C4orf50: variants seen among roughly 807,000 people sequenced by gnomAD.
C4orf50 encodes uncharacterized protein C4orf50.
Under a neutral mutation model 77.2 loss-of-function variants are expected in C4orf50, and 80 were observed. The ratio of observed to expected loss-of-function variants is 1.04; its 90% CI spans 0.87 to 1.25. The LOEUF is 1.25. Ranked by LOEUF, C4orf50 falls within the 50% of genes most tolerant of loss-of-function variation. The pLI is 0.00. For missense variants in C4orf50, 1,257 were observed against 1,152.9 expected, an observed-to-expected ratio of 1.09 and a Z score of -1.31; for synonymous variants, 532 against 465.3, an observed-to-expected ratio of 1.14 and a Z score of -1.84.
At position 5,975,843 on chromosome 4, in the gene C4orf50, T is replaced by G. The variant is rs1321602627; in HGVS notation, c.3921+56A>C. ...ATTACATGTCTAACAGGAAAACTAC[T>G]AAACTCTCTTTTGTTTTGAAAGAGG... On this transcript the variant is annotated intron_variant, in intron 30 of 33. Coordinates refer to ENST00000531445, the Ensembl canonical transcript of C4orf50. 1.7e-5 allele frequency: 23 copies of G among 1,357,986 alleles called. 1 individual carries two copies. The South Asian group carries it at 2.4e-4, about 14-fold the overall frequency. The allele number at this position is 1,357,986 out of a possible 1,614,324, so 84.1% of individuals were successfully genotyped here.
chr4:5,984,687 A>C (rs1720768184), intron 28 of C4orf50, among the ~76,000 whole-genome samples: 1 of 152,192 alleles, frequency 6.6e-6, no homozygotes, highest in African/African-American at 2.4e-5. Context: ...ACATTTTTTA[A>C]AACTGATACA....
intron 7 of C4orf50, among the ~76,000 whole-genome samples, chr4:5,948,960 C>CA (rs765201490): frequency 0.062 from 5,357 of 86,994 alleles, 379 homozygotes; most frequent in African/African-American, 0.13. Context: ...GACTCCATCT[C>CA]AAAAAAAAAA....
At position 5,996,562 on chromosome 4, in the gene C4orf50, C is replaced by T. The variant is rs76779232; in HGVS notation, c.964-2086G>A. On this transcript the variant is annotated intron_variant, in intron 25 of 33. Transcript: ENST00000531445. ...CCACCCTCTGCCTGGTCAACCTCCT[C>T]CCCTTCTGGGACCTGCTTAAAGGCC... Among the ~76,000 whole-genome samples the T allele has an allele frequency of 7.9e-3, 1,207 of 152,252 alleles. 12 individuals are homozygous for T. Among genetic ancestry groups the T allele is most frequent in the African/African-American group, 0.027 (1,141 of 41,550 alleles).
At chr4:5,969,905 C>T (rs1310065104) in intron 31 of C4orf50, among the ~76,000 whole-genome samples, 1 of 152,074 alleles carries the variant, frequency 6.6e-6, no homozygotes, top group Admixed American at 6.5e-5. Context: ...ACGGGACCTT[C>T]CATCTGTGGA....
Position 6,017,662 on chromosome 4 carries a change from G to T in C4orf50, c.287+483C>A, listed in dbSNP as rs1284170843. On this transcript the variant is annotated intron_variant, in intron 23 of 33. Coordinates refer to ENST00000531445, the Ensembl canonical transcript of C4orf50. The surrounding 1 kb of genome is among the most constrained non-coding windows in gnomAD (Gnocchi z 4.7). ...GCCCTGGGTTGGGGATGGAAGGTTT[G>T]CTGTGTGGACATCTACTTGTCTGGC... Among the ~76,000 whole-genome samples, 3 of 152,124 alleles carry T rather than the reference G, an allele frequency of 2.0e-5. No homozygotes were observed. Among genetic ancestry groups the T allele is most frequent in the Non-Finnish European group, 4.4e-5 (3 of 68,024 alleles).
intron 33 of C4orf50, among the ~76,000 whole-genome samples, chr4:5,963,000 C>CTTTT (rs370272649): frequency 4.8e-5 from 7 of 146,084 alleles, no homozygotes; most frequent in East Asian, 2.2e-4. Context: ...TTTTTCTTTT[C>CTTTT]TTTTTTTTTT....
intron 7 of C4orf50, among the ~76,000 whole-genome samples, chr4:5,930,847 G>A (rs1717737044): frequency 6.6e-6 from 1 of 152,232 alleles, no homozygotes; most frequent in Non-Finnish European, 1.5e-5. Context: ...GCCCAGCATG[G>A]GCCTGGCAGG....
At chr4:5,994,002 C>G (rs1480557682) in intron 26 of C4orf50, among the ~76,000 whole-genome samples, 2 of 152,132 alleles carry the variant, frequency 1.3e-5, no homozygotes, top group African/African-American at 4.8e-5. Context: ...CAGGACGGCT[C>G]CTGGCCATCA....
chr4:5,940,015 C>T (rs573399741), intron 7 of C4orf50, among the ~76,000 whole-genome samples: 99 of 152,310 alleles, frequency 6.5e-4, no homozygotes, highest in African/African-American at 2.3e-3. Flanking sequence ...GAACGTGGGT[C>T]CCATGGAAAA....
chr4:5,999,986 A>G (rs1225903658), intron 25 of C4orf50, among the ~76,000 whole-genome samples: 1 of 152,056 alleles, frequency 6.6e-6, no homozygotes, highest in East Asian at 1.9e-4. Flanking sequence ...AGCTTGAAGG[A>G]GCAGAACACC....
downstream of C4orf50, chr4:5,956,606 C>T (rs927888961): frequency 4.6e-5 from 7 of 151,832 alleles, no homozygotes; most frequent in Admixed American, 4.6e-4. Flanking sequence ...ACTAAAGCTT[C>T]TGCTGCTTGG....
intron 7 of C4orf50, among the ~76,000 whole-genome samples, chr4:5,937,034 A>T (rs747351015): frequency 1.8e-4 from 28 of 152,264 alleles, no homozygotes; most frequent in Middle Eastern, 3.4e-3. Context: ...CCATAAAAAA[A>T]AAATAATGAC....
rs147624639 is a variant in C4orf50, at chr4:5,960,308, G to A, written c.4276-682C>T. 7.2e-5 allele frequency among the ~76,000 whole-genome samples: 11 copies of A among 152,204 alleles called. No individual in the cohort carries two copies. In the East Asian group the frequency reaches 1.2e-3, roughly 16 times the overall value. On this transcript the variant is annotated intron_variant, in intron 33 of 33. Transcript: ENST00000531445. Reference sequence around the variant, plus strand: ...TCTCACACCTCTCAGGCACCTTCCCGCAAATGACAGGCAGGACTGCCTCAC... The same window carrying A: ...TCTCACACCTCTCAGGCACCTTCCCACAAATGACAGGCAGGACTGCCTCAC...
chr4:5,980,119 C>G (rs999216885), intron 29 of C4orf50, 55 bp downstream of exon 7: 9 of 1,486,846 alleles, frequency 6.1e-6, no homozygotes, highest in Non-Finnish European at 8.1e-6. Context: ...TCCCAAAACG[C>G]CCCGGGGTGT....
rs904424331 is a variant in C4orf50, at chr4:6,011,089, A to C, written c.426+741T>G. ...ACCCTTAACTGCCCACTGCTTCTCCAGAGAGCTCTCGAACTTCTCCCCCTG... is the reference window on the plus strand; with the variant it reads ...ACCCTTAACTGCCCACTGCTTCTCCCGAGAGCTCTCGAACTTCTCCCCCTG... On this transcript the variant is annotated intron_variant, in intron 24 of 33. Transcript: ENST00000531445. This position sits in a 1 kb window ranked among gnomAD's most constrained non-coding sequence, Gnocchi z 4.2. Among the ~76,000 whole-genome samples, 16 of 151,976 alleles carry C rather than the reference A, an allele frequency of 1.1e-4. No homozygotes were observed. The highest frequency in any genetic ancestry group is 1.8e-4 in the Non-Finnish European group (12 of 67,968).
chr4:5,917,076 ACG>A (rs2108734644), intron 7 of C4orf50, among the ~76,000 whole-genome samples: 1 of 152,324 alleles, frequency 6.6e-6, no homozygotes, highest in Non-Finnish European at 1.5e-5. Flanking sequence ...CATCATGCCT[ACG>A]CTACCAGAGG....
At chr4:5,936,430 C>T (rs1560550839) in intron 7 of C4orf50, among the ~76,000 whole-genome samples, 4 of 151,864 alleles carry the variant, frequency 2.6e-5, no homozygotes, top group Admixed American at 6.6e-5. Flanking sequence ...GTCGTGGTGG[C>T]GGGCGCCTCT....
Position 5,992,904 on chromosome 4 carries a change from A to G in C4orf50, c.1120T>C (p.Trp374Arg), listed in dbSNP as rs962612151. The change falls in exon 27 of 34, where the codon TGG (tryptophan) becomes CGG (arginine). Residue 374 changes from tryptophan (W) to arginine (R), a missense_variant. Coordinates refer to ENST00000531445, the Ensembl canonical transcript of C4orf50. The surrounding 1 kb of genome is among the most constrained non-coding windows in gnomAD (Gnocchi z 5.0). ...GCCCGTCCAGGCCTGATGCGGCTCC[A>G]GGTGCAGGGCCCCTCTGGGGACTGG... is the stretch of plus-strand genomic sequence containing the variant. 4 of 399,076 alleles carry G rather than the reference A, an allele frequency of 1.0e-5. No homozygotes were observed. The highest frequency in any genetic ancestry group is 1.8e-5 in the Non-Finnish European group (4 of 226,106). 24.7% of individuals were successfully genotyped at this position (399,076 alleles called of 1,614,324 possible).
chr4:6,014,314 AG>A (rs1038640057), intron 23 of C4orf50, among the ~76,000 whole-genome samples: 2 of 152,110 alleles, frequency 1.3e-5, no homozygotes, highest in African/African-American at 4.8e-5. Flanking sequence ...TATTGTTTTA[AG>A]GGTTAATTAT....
Sources: gnomAD v4.1 joint callset for allele counts (sites outside exome capture counted in the v4.1 genomes callset) on GRCh38, gnomAD v4.1.1 for gene constraint, Gnocchi (gnomAD v3.1) non-coding constraint, MANE v1.5 for transcripts, NCBI Gene and HGNC (gene_info 2026-07-23, HGNC 2026-07-21) for gene names.